GRM5: variants seen among roughly 807,000 people sequenced by gnomAD.
GRM5 encodes the protein metabotropic glutamate receptor 5.
A neutral mutation model predicts 83.1 loss-of-function variants in GRM5; 19 were observed. The observed-to-expected ratio is 0.23, with a 90% CI of 0.16 to 0.34. The LOEUF is 0.34. GRM5 is among the 10% of genes least tolerant of loss of function. The pLI is 1.00. For missense variants in GRM5, 1,160 were observed against 1,588.3 expected (o/e 0.73, Z 4.58); for synonymous variants, 675 against 633.6 (o/e 1.07, Z -0.98).
chr11:88,732,545 G>A (rs915407224), intron 3 of GRM5, among the ~76,000 whole-genome samples: 7 of 151,968 alleles, frequency 4.6e-5, no homozygotes, highest in African/African-American at 1.4e-4. Flanking sequence ...AAATAAAATC[G>A]CCTTATTTTT....
intron 4 of GRM5, among the ~76,000 whole-genome samples, chr11:88,619,441 C>A (rs185971459): frequency 6.6e-6 from 1 of 152,174 alleles, no homozygotes; most frequent in East Asian, 1.9e-4. Flanking sequence ...TCTCACATGG[C>A]AAATGCTCTG....
At chr11:88,698,902 A>T (rs944062168) in intron 3 of GRM5, among the ~76,000 whole-genome samples, 1 of 152,196 alleles carries the variant, frequency 6.6e-6, no homozygotes, top group Admixed American at 6.6e-5. Flanking sequence ...TGGATTGAAC[A>T]AAGTGGAGAA....
At chr11:88,695,761 C>A (rs535817036) in intron 3 of GRM5, among the ~76,000 whole-genome samples, 1 of 152,102 alleles carries the variant, frequency 6.6e-6, no homozygotes, top group Non-Finnish European at 1.5e-5. Flanking sequence ...TCTCACAGGG[C>A]GTGAGACAGG....
At chr11:88,718,746 C>T (rs984309869) in intron 3 of GRM5, among the ~76,000 whole-genome samples, 1 of 151,824 alleles carries the variant, frequency 6.6e-6, no homozygotes, top group Admixed American at 6.6e-5. Context: ...TGAAATTTTT[C>T]TATAATTTTC....
intron 2 of GRM5, among the ~76,000 whole-genome samples, chr11:88,898,989 G>A (rs1242959123): frequency 6.6e-6 from 1 of 151,856 alleles, no homozygotes; most frequent in Non-Finnish European, 1.5e-5. Flanking sequence ...AGTTTAGGTG[G>A]TATTCGAACG....
At chr11:88,972,356 C>T (rs1939191557) in intron 2 of GRM5, among the ~76,000 whole-genome samples, 1 of 152,122 alleles carries the variant, frequency 6.6e-6, no homozygotes, top group African/African-American at 2.4e-5. Context: ...GCACTCCTGA[C>T]TGAAATTGGC....
intron 3 of GRM5, among the ~76,000 whole-genome samples, chr11:88,703,427 T>C (rs1407197635): frequency 6.6e-6 from 1 of 152,082 alleles, no homozygotes; most frequent in African/African-American, 2.4e-5. Flanking sequence ...AAACACTTTG[T>C]CCCCAATCTG....
At chr11:88,617,589 A>T (rs1159842858) in intron 4 of GRM5, among the ~76,000 whole-genome samples, 1 of 152,174 alleles carries the variant, frequency 6.6e-6, no homozygotes, top group Non-Finnish European at 1.5e-5. Context: ...CTTTTCTTCT[A>T]GCTAAGCCCC....
chr11:88,768,350 C>T (rs1565221657), intron 3 of GRM5, among the ~76,000 whole-genome samples: 2 of 151,884 alleles, frequency 1.3e-5, no homozygotes, highest in Non-Finnish European at 2.9e-5. Flanking sequence ...ACAGAAAAGA[C>T]AAATGATGTA....
At chr11:88,996,172 T>G (rs1374437420) in intron 2 of GRM5, among the ~76,000 whole-genome samples, 1 of 152,222 alleles carries the variant, frequency 6.6e-6, no homozygotes, top group Non-Finnish European at 1.5e-5. Context: ...TGTGGGATAA[T>G]TTTACTACAA....
intron 2 of GRM5, among the ~76,000 whole-genome samples, chr11:88,893,549 C>T (rs1332301914): frequency 2.6e-5 from 4 of 152,052 alleles, no homozygotes; most frequent in Admixed American, 6.6e-5. Context: ...AAGGTTAACA[C>T]TAAAGTTACT....
At chr11:88,847,652 T>C (rs2135537606) in intron 3 of GRM5, among the ~76,000 whole-genome samples, 1 of 151,910 alleles carries the variant, frequency 6.6e-6, no homozygotes, top group Non-Finnish European at 1.5e-5. Context: ...AAATTTGGAG[T>C]AAGGAAGACC....
At chr11:88,686,799 G>A (rs1281953028) in intron 3 of GRM5, among the ~76,000 whole-genome samples, 2 of 151,998 alleles carry the variant, frequency 1.3e-5, no homozygotes, top group African/African-American at 4.8e-5. Flanking sequence ...GTGATTCTGA[G>A]GCCTCCCCAG....
At chr11:89,006,763 T>G (rs954952422) in intron 2 of GRM5, among the ~76,000 whole-genome samples, 1 of 152,148 alleles carries the variant, frequency 6.6e-6, no homozygotes, top group Non-Finnish European at 1.5e-5. Flanking sequence ...ACTTTGCCTA[T>G]ATAATTTCAA....
At chr11:88,517,687 C>A (rs1941560227) in intron 9 of GRM5, among the ~76,000 whole-genome samples, 1 of 152,154 alleles carries the variant, frequency 6.6e-6, no homozygotes, top group South Asian at 2.1e-4. Context: ...TTAAAATTCA[C>A]TTCCCTCTCA....
chr11:88,641,101 G>A (rs1591402963), intron 4 of GRM5, among the ~76,000 whole-genome samples: 1 of 151,972 alleles, frequency 6.6e-6, no homozygotes, highest in East Asian at 1.9e-4. Context: ...CTTCTGGGGA[G>A]GCCTCAGGAA....
At chr11:88,581,450 TG>T (rs1943211709) in intron 7 of GRM5, among the ~76,000 whole-genome samples, 1 of 152,206 alleles carries the variant, frequency 6.6e-6, no homozygotes, top group Non-Finnish European at 1.5e-5. Flanking sequence ...AATTTGAACA[TG>T]GGCATGTTTG....
chr11:88,910,391 T>A (rs557925448), intron 2 of GRM5, among the ~76,000 whole-genome samples: 5 of 152,126 alleles, frequency 3.3e-5, no homozygotes, highest in Non-Finnish European at 7.4e-5. Context: ...AAATATTTGT[T>A]TGAGTTTCTG....
chr11:88,985,198 C>A (rs554331498), intron 2 of GRM5, among the ~76,000 whole-genome samples: 5 of 152,118 alleles, frequency 3.3e-5, no homozygotes, highest in African/African-American at 1.2e-4. Flanking sequence ...ATTTTCATAC[C>A]CACAATCCTA....
Sources: gnomAD v4.1 joint callset for allele counts (sites outside exome capture counted in the v4.1 genomes callset) on GRCh38, gnomAD v4.1.1 for gene constraint, MANE v1.5 for transcripts, NCBI Gene and HGNC (gene_info 2026-07-23, HGNC 2026-07-21) for gene names.